Variants in TMEM245 observed in about 807,000 individuals in gnomAD.
TMEM245 encodes protein CG-2.
TMEM245 carries 69 observed loss-of-function variants against 101.2 expected under a neutral mutation model. The observed-to-expected ratio is 0.68, with a 90% CI of 0.56 to 0.83. The LOEUF (loss-of-function observed/expected upper bound fraction) is 0.83, where lower values mean the gene tolerates loss of function less well. Among genes scored for constraint, TMEM245 ranks in the 40% least tolerant of loss-of-function variants. TMEM245 has a pLI of 0.00. For synonymous variants in TMEM245, 537 were observed against 449.8 expected (o/e 1.19, Z -2.45); for missense variants, 1,075 against 1,092.8 (o/e 0.98, Z 0.23).
intron 9 of TMEM245, among the ~76,000 whole-genome samples, chr9:109,069,151 CA>C (rs1829257334): frequency 6.6e-6 from 1 of 152,180 alleles, no homozygotes; most frequent in African/African-American, 2.4e-5. Context: ...AAATTTCAAA[CA>C]AAAGACAAAC....
intron 7 of TMEM245, among the ~76,000 whole-genome samples, chr9:109,084,566 AAC>A (rs1829779703): frequency 6.6e-6 from 1 of 152,206 alleles, no homozygotes; most frequent in African/African-American, 2.4e-5. Flanking sequence ...ATTTCAATAT[AAC>A]ACAAATTGAA....
At chr9:109,056,097 C>T (rs753738406) in intron 12 of TMEM245, among the ~76,000 whole-genome samples, 2 of 152,142 alleles carry the variant, frequency 1.3e-5, no homozygotes, top group Non-Finnish European at 2.9e-5. Context: ...CAAAAGATAA[C>T]ATCTAAAACT....
intron 8 of TMEM245, among the ~76,000 whole-genome samples, chr9:109,077,466 T>C (rs77898683): frequency 0.016 from 2,491 of 152,348 alleles, 72 homozygotes; most frequent in African/African-American, 0.057. Context: ...AAAAGGCTTC[T>C]AAATATCCTT....
intron 16 of TMEM245, 90 bp from the exon 17 acceptor site, chr9:109,033,591 T>C (rs1231215852): frequency 3.1e-6 from 4 of 1,282,740 alleles, no homozygotes; most frequent in South Asian, 3.6e-5. Context: ...TAATACACTA[T>C]GCTTTTTAGC....
At chr9:109,112,644 G>A (rs971853266) in intron 1 of TMEM245, among the ~76,000 whole-genome samples, 2 of 151,782 alleles carry the variant, frequency 1.3e-5, no homozygotes, top group African/African-American at 4.8e-5. Flanking sequence ...CTATATGTAT[G>A]TTATCTCATC....
In TMEM245 at chr9:109,048,103, C is replaced by T. The variant is rs536332212; in HGVS notation, c.2123+2180G>A. On this transcript the variant is annotated intron_variant, in intron 14 of 17. Coordinates refer to ENST00000374586, the MANE Select transcript of TMEM245 (RefSeq NM_032012.4). ...AACAGCTTCACCCCAATTGCTGTTA[C>T]ACTGGATAATATACTCCCAAATCTG... Among the ~76,000 whole-genome samples the T allele has an allele frequency of 5.3e-5, 8 of 152,312 alleles. 1 individual carries two copies. In the South Asian group the frequency reaches 1.7e-3, roughly 32 times the overall value.
Position 109,091,266 on chromosome 9 carries a change from T to C in TMEM245, c.917-111A>G, listed in dbSNP as rs376398286. ...TTCAGGCCTTCAAAATGTGCTGATATGGTATGATTACATCGGGTTAAAAAA... is the reference window on the plus strand; with the variant it reads ...TTCAGGCCTTCAAAATGTGCTGATACGGTATGATTACATCGGGTTAAAAAA... On this transcript the variant is annotated intron_variant, in intron 4 of 17. Coordinates refer to ENST00000374586, the MANE Select transcript of TMEM245 (RefSeq NM_032012.4). 1.9e-3 allele frequency: 1,736 copies of C among 919,924 alleles called. 34 individuals are homozygous for C. In the South Asian group the frequency reaches 0.028, roughly 15 times the overall value. The allele number at this position is 919,924 out of a possible 1,614,324, so 57.0% of individuals were successfully genotyped here. A position where few individuals can be genotyped will look rare whatever the true frequency, so the allele number is the denominator to read the frequency against.
chr9:109,090,088 C>T (rs750963448), intron 5 of TMEM245, among the ~76,000 whole-genome samples: 31 of 151,782 alleles, frequency 2.0e-4, no homozygotes, highest in South Asian at 2.1e-4. Flanking sequence ...GGTGAAACTC[C>T]GTCTCTACTA....
chr9:109,054,902 T>C (rs2132408966), intron 12 of TMEM245, among the ~76,000 whole-genome samples: 1 of 152,322 alleles, frequency 6.6e-6, no homozygotes, highest in Non-Finnish European at 1.5e-5. Context: ...AGTAAGCACC[T>C]AGCACAATAT....
At chr9:109,025,583 G>A (rs959462166) in intron 17 of TMEM245, among the ~76,000 whole-genome samples, 3 of 152,152 alleles carry the variant, frequency 2.0e-5, no homozygotes, top group African/African-American at 7.2e-5. Context: ...TAGCATCCCT[G>A]AAAGAGTTCC....
intron 14 of TMEM245, among the ~76,000 whole-genome samples, chr9:109,044,575 G>A (rs1051761351): frequency 3.9e-5 from 6 of 152,094 alleles, no homozygotes; most frequent in Non-Finnish European, 7.4e-5. Context: ...AAGTGAGCTG[G>A]TGGGAGAGAC....
At chr9:109,067,013 G>GC (rs1829190640) in intron 9 of TMEM245, among the ~76,000 whole-genome samples, 2 of 147,966 alleles carry the variant, frequency 1.4e-5, no homozygotes, top group Admixed American at 1.4e-4. Flanking sequence ...CCGAGATCAT[G>GC]CCATTGCATT....
chr9:109,036,014 A>G, intron 16 of TMEM245, 192 bp downstream of exon 16: 1 of 306,126 alleles, frequency 3.3e-6, no homozygotes, highest in South Asian at 1.4e-4. Flanking sequence ...AAAAACCCCA[A>G]AATATCATGC....
rs964301629 is a variant in TMEM245, at chr9:109,064,779, ATTTAT to A, written c.1533-217_1533-213del. On this transcript the variant is annotated intron_variant, in intron 9 of 17. Coordinates refer to ENST00000374586, the MANE Select transcript of TMEM245 (RefSeq NM_032012.4). ...TCCTTTCAATCTTTCCTTAGCTTTT[ATTTAT>A]TTTATTTTATTTTTGAGATGGAGTT... 2.9e-4 allele frequency among the ~76,000 whole-genome samples: 44 copies of A among 152,094 alleles called. No homozygotes were observed. In the South Asian group the frequency reaches 4.8e-3, roughly 17 times the overall value.
chr9:109,023,446 A>C (rs1054143286), intron 17 of TMEM245, among the ~76,000 whole-genome samples: 23 of 152,236 alleles, frequency 1.5e-4, no homozygotes, highest in South Asian at 6.2e-4. Flanking sequence ...AAAATGTTTA[A>C]CATCCTACTT....
chr9:109,105,307 C>T (rs939497696), intron 3 of TMEM245, among the ~76,000 whole-genome samples: 1 of 152,022 alleles, frequency 6.6e-6, no homozygotes, highest in African/African-American at 2.4e-5. Context: ...AATGAGATAC[C>T]ACTTCACACC....
chr9:109,089,116 A>C (rs1357535173), intron 5 of TMEM245, among the ~76,000 whole-genome samples: 1 of 151,660 alleles, frequency 6.6e-6, no homozygotes, highest in East Asian at 2.0e-4. Context: ...AAAATACAAA[A>C]CAATAGCCAG....
chr9:109,050,018 C>T (rs1276936725), intron 14 of TMEM245, among the ~76,000 whole-genome samples: 1 of 152,170 alleles, frequency 6.6e-6, no homozygotes, highest in African/African-American at 2.4e-5. Flanking sequence ...TCTCAGACTC[C>T]TGGCCTCAAG....
intron 3 of TMEM245, among the ~76,000 whole-genome samples, chr9:109,106,129 G>A (rs1432109915): frequency 1.3e-5 from 2 of 150,100 alleles, no homozygotes; most frequent in Admixed American, 6.7e-5. Context: ...GGGAGGATAA[G>A]GTTGGAAAAC....
Sources: gnomAD v4.1 joint callset for allele counts (sites outside exome capture counted in the v4.1 genomes callset) on GRCh38, gnomAD v4.1.1 for gene constraint, MANE v1.5 for transcripts, NCBI Gene and HGNC (gene_info 2026-07-23, HGNC 2026-07-21) for gene names.